The following SAMD12 variants were observed in gnomAD, a reference collection of about 807,000 sequenced individuals.
The protein encoded by SAMD12 is sterile alpha motif domain-containing protein 12.
SAMD12 carries 9 observed loss-of-function variants against 15.0 expected under a neutral mutation model. The ratio of observed to expected loss-of-function variants is 0.60; its 90% CI spans 0.36 to 1.05. The LOEUF is 1.05. Ranked by LOEUF, SAMD12 falls within the 50% of genes least tolerant of loss-of-function variation. The pLI, the probability that SAMD12 is intolerant of heterozygous loss-of-function variation, is 0.01. For synonymous variants in SAMD12, 86 were observed against 90.1 expected, an observed-to-expected ratio of 0.96 and a Z score of 0.25; for missense variants, 230 against 234.2, an observed-to-expected ratio of 0.98 and a Z score of 0.12.
At chr8:118,247,019 G>C (rs908803398) in intron 4 of SAMD12, among the ~76,000 whole-genome samples, 3 of 152,108 alleles carry the variant, frequency 2.0e-5, no homozygotes, top group Admixed American at 6.6e-5. Context: ...GGTGTGTCTA[G>C]ATTTGCATAT....
chr8:118,265,876 A>G (rs1586400310), intron 4 of SAMD12, among the ~76,000 whole-genome samples: 1 of 152,116 alleles, frequency 6.6e-6, no homozygotes, highest in South Asian at 2.1e-4. Context: ...ATAGGGCTGC[A>G]TATCCAAGAC....
At chr8:118,321,113 G>A (rs1816231227) in intron 4 of SAMD12, among the ~76,000 whole-genome samples, 5 of 108,152 alleles carry the variant, frequency 4.6e-5, no homozygotes, top group African/African-American at 1.5e-4. Context: ...TAATATATAT[G>A]ATATATATAA....
intron 4 of SAMD12, among the ~76,000 whole-genome samples, chr8:118,355,750 A>C (rs2130616238): frequency 6.6e-6 from 1 of 152,340 alleles, no homozygotes; most frequent in Non-Finnish European, 1.5e-5. Context: ...GGAAATTATT[A>C]AAAAGATCCA....
chr8:118,329,056 C>T (rs1184037152), intron 4 of SAMD12, among the ~76,000 whole-genome samples: 4 of 152,094 alleles, frequency 2.6e-5, no homozygotes, highest in South Asian at 2.1e-4. Context: ...AAAACATGTA[C>T]GTCACCTCCT....
intron 4 of SAMD12, among the ~76,000 whole-genome samples, chr8:118,281,244 T>C (rs901715670): frequency 6.6e-6 from 1 of 152,172 alleles, no homozygotes; most frequent in African/African-American, 2.4e-5. Flanking sequence ...AATCACATGA[T>C]GAGTAGTAAG....
intron 3 of SAMD12, among the ~76,000 whole-genome samples, chr8:118,398,437 TG>T (rs1159110925): frequency 1.3e-5 from 2 of 152,078 alleles, no homozygotes; most frequent in Non-Finnish European, 2.9e-5. Context: ...ATAAATAAAA[TG>T]GCTACGATCA....
chr8:118,138,095 G>A, the SAMD12 span, among the ~76,000 whole-genome samples: 52 of 152,272 alleles, frequency 3.4e-4, no homozygotes, highest in East Asian at 2.7e-3. Flanking sequence ...CAGAGGGTGA[G>A]ACTGAAAGTA....
chr8:118,495,964 G>T (rs566921471), intron 2 of SAMD12, among the ~76,000 whole-genome samples: 1 of 151,862 alleles, frequency 6.6e-6, no homozygotes, highest in Non-Finnish European at 1.5e-5. Context: ...CACTCACAAC[G>T]GTCATTAAAA....
chr8:118,381,863 T>C (rs906933103), intron 3 of SAMD12, among the ~76,000 whole-genome samples: 1 of 151,990 alleles, frequency 6.6e-6, no homozygotes, highest in African/African-American at 2.4e-5. Flanking sequence ...GTGACTGGAA[T>C]TTACATGTTT....
intron 3 of SAMD12, among the ~76,000 whole-genome samples, chr8:118,397,780 A>G (rs1264893245): frequency 9.5e-6 from 1 of 104,804 alleles, no homozygotes; most frequent in African/African-American, 4.5e-5. Flanking sequence ...AATGAGGAAA[A>G]TGGGACTTGC....
At chr8:118,399,927 T>A (rs540459316) in intron 3 of SAMD12, among the ~76,000 whole-genome samples, 2 of 152,262 alleles carry the variant, frequency 1.3e-5, no homozygotes, top group East Asian at 3.9e-4. Flanking sequence ...GGTGTGTGTG[T>A]GAGAGGAATG....
the SAMD12 span, among the ~76,000 whole-genome samples, chr8:118,153,812 A>G: frequency 5.9e-5 from 9 of 152,092 alleles, no homozygotes; most frequent in African/African-American, 2.2e-4. Context: ...CTTGTTTCTT[A>G]CAAGAAGTAA....
chr8:118,552,030 A>G (rs1276046921), intron 2 of SAMD12, among the ~76,000 whole-genome samples: 2 of 151,868 alleles, frequency 1.3e-5, no homozygotes, highest in African/African-American at 2.4e-5. Context: ...TTGTGGCAAT[A>G]ATCAATAGCT....
At chr8:118,587,027 G>C (rs963638607) in intron 1 of SAMD12, among the ~76,000 whole-genome samples, 2 of 152,208 alleles carry the variant, frequency 1.3e-5, no homozygotes, top group Non-Finnish European at 2.9e-5. Flanking sequence ...CTGCAAAGCA[G>C]AGACTATCTT....
intron 3 of SAMD12, among the ~76,000 whole-genome samples, chr8:118,394,488 A>G (rs1211689013): frequency 6.6e-6 from 1 of 152,240 alleles, no homozygotes; most frequent in African/African-American, 2.4e-5. Context: ...AATCCTGGAC[A>G]TTGCTTAATA....
chr8:118,495,213 G>C (rs1173101279), intron 2 of SAMD12, among the ~76,000 whole-genome samples: 1 of 152,180 alleles, frequency 6.6e-6, no homozygotes, highest in African/African-American at 2.4e-5. Flanking sequence ...GTCAACTGAA[G>C]TCATCAGATT....
the SAMD12 span, among the ~76,000 whole-genome samples, chr8:118,137,924 G>A: frequency 4.4e-5 from 1 of 22,904 alleles, no homozygotes. Context: ...ACATGAGAAA[G>A]CATTTTTTTT....
the SAMD12 span, among the ~76,000 whole-genome samples, chr8:118,163,391 A>G: frequency 6.6e-6 from 1 of 152,138 alleles, no homozygotes. Flanking sequence ...AGTGTCTTCT[A>G]TTAGAGTTTG....
chr8:118,163,237 A>C, the SAMD12 span, among the ~76,000 whole-genome samples: 2 of 151,956 alleles, frequency 1.3e-5, no homozygotes, highest in African/African-American at 2.4e-5. Context: ...ACACCACCAT[A>C]CCTGGCTAAC....
Sources: allele counts gnomAD v4.1 joint callset (sites outside exome capture counted in the v4.1 genomes callset), GRCh38; gene constraint gnomAD v4.1.1; transcripts MANE v1.5; gene names NCBI Gene and HGNC (gene_info 2026-07-23, HGNC 2026-07-21).